Variants in RARB observed in about 807,000 individuals in gnomAD.
RARB encodes the protein HBV-activated protein.
A neutral mutation model predicts 51.9 loss-of-function variants in RARB; 17 were observed. The ratio of observed to expected loss-of-function variants is 0.33; its 90% CI spans 0.22 to 0.49. The LOEUF is 0.49. Among genes scored for constraint, RARB ranks in the 20% least tolerant of loss-of-function variants. RARB has a pLI of 0.99. For synonymous variants in RARB, 215 were observed against 195.4 expected (o/e 1.10, Z -0.84); for missense variants, 369 against 550.8 (o/e 0.67, Z 3.30).
intron 5 of RARB, among the ~76,000 whole-genome samples, chr3:25,206,259 T>C (rs1010059466): frequency 6.6e-6 from 1 of 152,232 alleles, no homozygotes; most frequent in African/African-American, 2.4e-5. Context: ...CTTTTAAAAT[T>C]GAACTAGCTA....
intron 3 of RARB, among the ~76,000 whole-genome samples, chr3:25,543,335 G>T (rs1699464282): frequency 1.3e-5 from 2 of 152,136 alleles, no homozygotes; most frequent in African/African-American, 2.4e-5. Flanking sequence ...TTGCCAGAAA[G>T]AATTTTTTCC....
intron 3 of RARB, among the ~76,000 whole-genome samples, chr3:25,099,936 G>T (rs1699368694): frequency 6.6e-6 from 1 of 152,128 alleles, no homozygotes; most frequent in Non-Finnish European, 1.5e-5. Context: ...GGACTACCTT[G>T]GCTCCTTGGC....
At chr3:25,052,434 T>C (rs1698350925) in intron 2 of RARB, among the ~76,000 whole-genome samples, 1 of 152,184 alleles carries the variant, frequency 6.6e-6, no homozygotes, top group Non-Finnish European at 1.5e-5. Context: ...AAAAATACAT[T>C]TTAGTGTAAG....
At chr3:25,324,893 A>C (rs1351472413) in intron 5 of RARB, among the ~76,000 whole-genome samples, 1 of 152,130 alleles carries the variant, frequency 6.6e-6, no homozygotes, top group Non-Finnish European at 1.5e-5. Flanking sequence ...CTTGGGTTGA[A>C]GTGTTAACAG....
At chr3:25,013,016 G>C (rs959562412) in intron 2 of RARB, among the ~76,000 whole-genome samples, 3 of 152,186 alleles carry the variant, frequency 2.0e-5, no homozygotes, top group Middle Eastern at 6.8e-3. Flanking sequence ...TATGGAGAAA[G>C]GGTAGATGCA....
chr3:25,128,729 C>T (rs1344326967), intron 3 of RARB, among the ~76,000 whole-genome samples: 4 of 151,636 alleles, frequency 2.6e-5, no homozygotes, highest in African/African-American at 9.7e-5. Flanking sequence ...ATACCTAGGA[C>T]AGTCCTCTCA....
upstream of RARB, among the ~76,000 whole-genome samples, chr3:25,424,440 C>G (rs563929547): frequency 8.5e-5 from 13 of 152,310 alleles, no homozygotes; most frequent in South Asian, 2.7e-3. Flanking sequence ...ATACTTGCCT[C>G]GTGCTGCCAA....
At chr3:25,535,217 CTTAA>C (rs892312869) in intron 3 of RARB, among the ~76,000 whole-genome samples, 1 of 152,042 alleles carries the variant, frequency 6.6e-6, no homozygotes, top group African/African-American at 2.4e-5. Flanking sequence ...TTTTCTTTTT[CTTAA>C]TTAATGAATG....
At chr3:25,355,706 G>A (rs931581422) in intron 5 of RARB, among the ~76,000 whole-genome samples, 8 of 152,178 alleles carry the variant, frequency 5.3e-5, no homozygotes, top group Admixed American at 2.6e-4. Context: ...AAAGCAAAAC[G>A]AAAGCAAGAC....
At chr3:24,965,955 A>T (rs1696244497) in intron 2 of RARB, among the ~76,000 whole-genome samples, 1 of 152,170 alleles carries the variant, frequency 6.6e-6, no homozygotes, top group African/African-American at 2.4e-5. Flanking sequence ...TTTTTTGTGC[A>T]CATCTTAGTT....
intron 5 of RARB, among the ~76,000 whole-genome samples, chr3:25,322,467 G>A (rs1704599912): frequency 6.6e-6 from 1 of 152,036 alleles, no homozygotes; most frequent in Admixed American, 6.5e-5. Flanking sequence ...TACTGGCCAA[G>A]TACATTCATT....
intron 5 of RARB, among the ~76,000 whole-genome samples, chr3:25,251,349 C>T (rs969633776): frequency 1.3e-5 from 2 of 151,844 alleles, no homozygotes; most frequent in Non-Finnish European, 2.9e-5. Flanking sequence ...CAAGTTTTTT[C>T]ATGGACATAT....
chr3:24,980,073 C>G (rs1340444687), intron 2 of RARB, among the ~76,000 whole-genome samples: 1 of 152,130 alleles, frequency 6.6e-6, no homozygotes, highest in Non-Finnish European at 1.5e-5. Context: ...AAATTCTTTT[C>G]TTTAAGAATG....
chr3:25,277,494 C>T (rs1208369923), intron 5 of RARB, among the ~76,000 whole-genome samples: 2 of 152,144 alleles, frequency 1.3e-5, no homozygotes, highest in Non-Finnish European at 2.9e-5. Flanking sequence ...TCTCAGAGAA[C>T]AGTTTGCAAA....
At chr3:25,488,840 A>G (rs1305259968) in intron 2 of RARB, among the ~76,000 whole-genome samples, 4 of 152,226 alleles carry the variant, frequency 2.6e-5, no homozygotes, top group Non-Finnish European at 5.9e-5. Context: ...GTCCCCCTAC[A>G]TCCATTAGGC....
intron 3 of RARB, among the ~76,000 whole-genome samples, chr3:25,105,626 C>G (rs1699485059): frequency 6.6e-6 from 1 of 152,144 alleles, no homozygotes; most frequent in Non-Finnish European, 1.5e-5. Context: ...AATTTGCACT[C>G]TCTTGACATT....
At chr3:25,267,399 ACC>A (rs914582851) in intron 5 of RARB, among the ~76,000 whole-genome samples, 1 of 152,004 alleles carries the variant, frequency 6.6e-6, no homozygotes, top group African/African-American at 2.4e-5. Flanking sequence ...GCCTTCCGCA[ACC>A]CCCGTCTTTC....
At chr3:25,451,415 C>G (rs1426524649) in intron 1 of RARB, among the ~76,000 whole-genome samples, 1 of 152,196 alleles carries the variant, frequency 6.6e-6, no homozygotes. Flanking sequence ...CAATTTTATG[C>G]AGGCTCATGG....
chr3:25,063,203 G>T (rs1325090021), intron 3 of RARB, among the ~76,000 whole-genome samples: 2 of 151,950 alleles, frequency 1.3e-5, no homozygotes, highest in Middle Eastern at 3.2e-3. Flanking sequence ...ACCAATGGTG[G>T]TACCTGCAAT....
Sources: allele counts gnomAD v4.1 joint callset (sites outside exome capture counted in the v4.1 genomes callset), GRCh38; gene constraint gnomAD v4.1.1; transcripts MANE v1.5; gene names NCBI Gene and HGNC (gene_info 2026-07-23, HGNC 2026-07-21).